The following TRIM55 variants were observed in gnomAD, a reference collection of about 807,000 sequenced individuals.
TRIM55 encodes tripartite motif-containing protein 55.
TRIM55 carries 50 observed loss-of-function variants against 60.9 expected under a neutral mutation model. The ratio of observed to expected loss-of-function variants is 0.82; its 90% confidence interval spans 0.65 to 1.04. TRIM55 has a LOEUF of 1.04. Among genes scored for constraint, TRIM55 ranks in the 50% least tolerant of loss-of-function variants. TRIM55 has a pLI of 0.00. For missense variants in TRIM55, 681 were observed against 666.9 expected, an observed-to-expected ratio of 1.02 and a Z score of -0.23; for synonymous variants, 237 against 238.1, an observed-to-expected ratio of 1.00 and a Z score of 0.04.
rs1808953849 is a variant in TRIM55 at position 66,128,448 on chromosome 8, A to G, written c.313A>G (p.Ile105Val). ...GAGGAACCTGCTGGTGGAAAATATC[A>G]TTGACATCTACAAGCAGGAGTCCAC... ...LQRNLLVENI[I>V]DIYKQESTRP... Residue 105 changes from isoleucine (I) to valine (V), a missense_variant, in exon 2 of 10, where the codon ATT becomes GTT. Physicochemically the swap from Ile to Val is conservative, Grantham distance 29. Coordinates refer to ENST00000315962, the MANE Select transcript of TRIM55 (RefSeq NM_184085.2). 11 of 1,613,480 alleles carry G rather than the reference A, an allele frequency of 6.8e-6. No homozygotes were observed. Among genetic ancestry groups the G allele is most frequent in the Middle Eastern group, 1.6e-4 (1 of 6,082 alleles).
At chr8:66,116,479 T>C in the TRIM55 span, among the ~76,000 whole-genome samples, 1 of 151,846 alleles carries the variant, frequency 6.6e-6, no homozygotes, top group Non-Finnish European at 1.5e-5. Flanking sequence ...CGGTGGCGTG[T>C]ACCTGTGATC....
In TRIM55 at chr8:66,163,906, A is replaced by G. The variant is rs555708714; in HGVS notation, c.1524+9572A>G. On this transcript the variant is annotated intron_variant, in intron 9 of 9. Transcript: ENST00000315962. ...TTTGACTAGAATTGTGGATTTGTCT[A>G]TTCTTACAGTATCAGTTTTTGCCTT... Among the ~76,000 whole-genome samples, 410 of 152,298 alleles carry G rather than the reference A, an allele frequency of 2.7e-3. 5 individuals carry two copies. Among genetic ancestry groups the G allele is most frequent in the African/African-American group, 9.5e-3 (393 of 41,562 alleles).
chr8:66,151,849 ATAAT>A (rs1270678451), intron 7 of TRIM55, among the ~76,000 whole-genome samples: 2 of 126,314 alleles, frequency 1.6e-5, no homozygotes, highest in Admixed American at 1.7e-4. Context: ...GTCTCAAAAA[ATAAT>A]AAATAAATAA....
intron 9 of TRIM55, among the ~76,000 whole-genome samples, chr8:66,172,374 G>A (rs1163213184): frequency 1.3e-5 from 2 of 152,160 alleles, no homozygotes. Context: ...AGGAGATGGT[G>A]CAATTATCTA....
intron 9 of TRIM55, among the ~76,000 whole-genome samples, chr8:66,166,065 T>G (rs1455920457): frequency 6.6e-6 from 1 of 152,056 alleles, no homozygotes; most frequent in East Asian, 1.9e-4. Flanking sequence ...GCCCCCAATA[T>G]CTGTCACTAT....
intron 2 of TRIM55, 91 bp from the exon 3 acceptor site, chr8:66,134,899 G>A: frequency 7.3e-7 from 1 of 1,377,712 alleles, no homozygotes; most frequent in African/African-American, 1.5e-5. Context: ...GGGAAGAGAA[G>A]GAATTTGCAA....
intron 9 of TRIM55, among the ~76,000 whole-genome samples, chr8:66,161,906 C>T (rs1484747702): frequency 6.6e-6 from 1 of 151,896 alleles, no homozygotes; most frequent in Non-Finnish European, 1.5e-5. Context: ...TTTACCAGTT[C>T]TAGAGCTTTT....
In TRIM55 at chr8:66,174,757, T is replaced by C; in HGVS notation, c.*164T>C. The C allele has an allele frequency of 7.0e-6, 4 of 570,650 alleles. No homozygotes were observed. In the South Asian group the frequency reaches 1.2e-4, roughly 17 times the overall value. The allele number at this position is 570,650 out of a possible 1,614,324, so 35.3% of individuals were successfully genotyped here. ...AATTCCATATGACTTATCTAACATC[T>C]TGGGGGGAAAGAATATTTTGAGAAA... On this transcript the variant is annotated 3_prime_UTR_variant, in exon 10 of 10. Coordinates refer to ENST00000315962, the MANE Select transcript of TRIM55 (RefSeq NM_184085.2).
intron 2 of TRIM55, among the ~76,000 whole-genome samples, chr8:66,133,316 T>C (rs1809277142): frequency 6.6e-6 from 1 of 152,158 alleles, no homozygotes; most frequent in South Asian, 2.1e-4. Flanking sequence ...TTCCCTTTCA[T>C]TGTCTCACTC....
In TRIM55 at chr8:66,128,356, G is replaced by GCCGA; in HGVS notation, c.222_225dup (p.Phe76ProfsTer8). ...GGAGGTACCACCATGGCATCAGGGGGCCGATTCCGCTGCCCATCCTGTAGA... is the reference window on the plus strand; with the variant it reads ...GGAGGTACCACCATGGCATCAGGGGGCCGACCGATTCCGCTGCCCATCCTGTAGA... On this transcript the variant is annotated frameshift_variant, in exon 2 of 10. Transcript: ENST00000315962. LOFTEE classifies it high-confidence loss of function. 6.2e-7 allele frequency: 1 copy of GCCGA among 1,613,584 alleles called. No individual in the cohort carries two copies. The highest frequency in any genetic ancestry group is 2.2e-5 in the East Asian group (1 of 44,864).
At position 66,165,653 on chromosome 8, in the gene TRIM55, A is replaced by G. The variant is rs568380944; in HGVS notation, c.1525-8818A>G. On this transcript the variant is annotated intron_variant, in intron 9 of 9. Transcript: ENST00000315962. ...TTTACAAATTAGGAGATTCAAGCTT[A>G]CAAGTTGCTGATATGCCAGGCGCCC... Among the ~76,000 whole-genome samples, 51 of 152,350 alleles carry G rather than the reference A, an allele frequency of 3.3e-4. 1 individual carries two copies. In the South Asian group the frequency reaches 9.1e-3, roughly 27 times the overall value.
At chr8:66,150,073 G>C (rs1563378713) in intron 5 of TRIM55, 144 bp from the exon 6 acceptor site, 2 of 1,042,498 alleles carry the variant, frequency 1.9e-6, no homozygotes, top group Non-Finnish European at 2.8e-6. Flanking sequence ...AAATCTAATA[G>C]GGTTCTGTTA....
At chr8:66,154,400 C>T (rs1810626409) in intron 9 of TRIM55, 66 bp downstream of exon 9, 3 of 1,525,606 alleles carry the variant, frequency 2.0e-6, no homozygotes, top group African/African-American at 1.4e-5. Flanking sequence ...GAACAGGCCA[C>T]AGCAAGAAGA....
upstream of TRIM55, among the ~76,000 whole-genome samples, chr8:66,123,526 A>G (rs569991257): frequency 6.6e-6 from 1 of 152,258 alleles, no homozygotes; most frequent in Non-Finnish European, 1.5e-5. Context: ...TCTAAGAAAA[A>G]GTAAAAGGCA....
intron 9 of TRIM55, among the ~76,000 whole-genome samples, chr8:66,160,237 A>G (rs1810971684): frequency 6.6e-6 from 1 of 152,198 alleles, no homozygotes; most frequent in Admixed American, 6.5e-5. Flanking sequence ...AAGTGAGAAC[A>G]TACAATGTTT....
upstream of TRIM55, among the ~76,000 whole-genome samples, chr8:66,122,355 C>T (rs1159555019): frequency 3.9e-5 from 6 of 152,170 alleles, no homozygotes; most frequent in African/African-American, 1.2e-4. Flanking sequence ...CCCCTCCCCG[C>T]TTCGAATCTT....
Position 66,152,375 on chromosome 8 carries a change from A to AGAAGAT in TRIM55, c.996_1001dup. 1.9e-6 allele frequency: 3 copies of AGAAGAT among 1,577,644 alleles called. No homozygotes were observed. The highest frequency in any genetic ancestry group is 2.3e-5 in the East Asian group (1 of 43,920). ...AATTTACAAGATACCTTACCTTACC[A>AGAAGAT]GAAGATGAAGATGAAGAAGAAGAAG... On this transcript the variant is annotated splice_acceptor_variant, in intron 7 of 9. Coordinates refer to ENST00000315962, the MANE Select transcript of TRIM55 (RefSeq NM_184085.2). LOFTEE classifies it high-confidence loss of function.
At chr8:66,156,269 G>GA in intron 9 of TRIM55, among the ~76,000 whole-genome samples, 1 of 152,286 alleles carries the variant, frequency 6.6e-6, no homozygotes, top group Non-Finnish European at 1.5e-5. Flanking sequence ...CCTGGGAGAG[G>GA]AGGTCCCTGA....
intron 4 of TRIM55, among the ~76,000 whole-genome samples, chr8:66,147,259 G>C (rs1020692812): frequency 6.6e-6 from 1 of 152,174 alleles, no homozygotes; most frequent in African/African-American, 2.4e-5. Context: ...TGAATGAATG[G>C]GTGGATGACA....
Sources: gnomAD v4.1 joint callset for allele counts (sites outside exome capture counted in the v4.1 genomes callset) on GRCh38, gnomAD v4.1.1 for gene constraint, MANE v1.5 for transcripts, NCBI Gene and HGNC (gene_info 2026-07-23, HGNC 2026-07-21) for gene names.